MAN1C1: variants seen among roughly 807,000 people sequenced by gnomAD.
MAN1C1 encodes the protein mannosyl-oligosaccharide 1,2-alpha-mannosidase IC.
Under a neutral mutation model 71.5 loss-of-function variants are expected in MAN1C1, and 49 were observed. The ratio of observed to expected loss-of-function variants is 0.69; its 90% CI spans 0.54 to 0.87. The LOEUF (loss-of-function observed/expected upper bound fraction) is 0.87. Ranked by LOEUF, MAN1C1 falls within the 40% of genes least tolerant of loss-of-function variation. The pLI is 0.00. For synonymous variants in MAN1C1, 352 were observed against 343.7 expected, an observed-to-expected ratio of 1.02 and a Z score of -0.27; for missense variants, 743 against 835.0, an observed-to-expected ratio of 0.89 and a Z score of 1.36.
At chr1:25,642,858 A>G (rs528192175) in intron 1 of MAN1C1, among the ~76,000 whole-genome samples, 14 of 152,154 alleles carry the variant, frequency 9.2e-5, no homozygotes, top group Admixed American at 2.0e-4. Flanking sequence ...AGCTTGGCAG[A>G]TGGTTGTAGC....
chr1:25,782,604 G>A lies in MAN1C1; in HGVS notation c.1670G>A (p.Arg557Gln), dbSNP rs750214180. The change falls in exon 11 of 12, where the codon CGG (arginine) becomes CAG (glutamine). Residue 557 changes from arginine (R) to glutamine (Q), a missense_variant. Transcript: ENST00000374332. This position sits in a 1 kb window ranked among gnomAD's most constrained non-coding sequence, Gnocchi z 4.4. Reference sequence around the variant, plus strand: ...CCTCAGGCCTTGGAGAAATACTGTCGGACAGAAGCCGGTTTCTCTGGGATC... The same window carrying A: ...CCTCAGGCCTTGGAGAAATACTGTCAGACAGAAGCCGGTTTCTCTGGGATC... ...EVVLALEKYC[R>Q]TEAGFSGIQD... 37 of 1,613,754 alleles carry A rather than the reference G, an allele frequency of 2.3e-5. No individual in the cohort carries two copies. Among genetic ancestry groups the A allele is most frequent in the African/African-American group, 5.3e-5 (4 of 74,868 alleles).
At chr1:25,743,967 C>A (rs1256984536) in intron 2 of MAN1C1, among the ~76,000 whole-genome samples, 1 of 152,190 alleles carries the variant, frequency 6.6e-6, no homozygotes, top group African/African-American at 2.4e-5. Flanking sequence ...AAAACACATT[C>A]CACTTGGCCT....
intron 11 of MAN1C1, among the ~76,000 whole-genome samples, chr1:25,783,100 C>T (rs1181656977): frequency 2.0e-5 from 3 of 152,158 alleles, no homozygotes; most frequent in Non-Finnish European, 2.9e-5. Flanking sequence ...GTGCCCTCCT[C>T]GATTTCATGC....
Position 25,616,801 on chromosome 1 carries a change from C to G in MAN1C1, c.-997C>G, listed in dbSNP as rs945305672. ...GGCGGGCGCTGTCGCAGTGAAAGCC[C>G]GAGCGGCGGCGGCGGCGGGGACGGC... On this transcript the variant is annotated 5_prime_UTR_variant, in exon 1 of 12. Coordinates refer to ENST00000374332, the MANE Select transcript of MAN1C1 (RefSeq NM_020379.4). This position sits in a 1 kb window ranked among gnomAD's most constrained non-coding sequence, Gnocchi z 5.6. Among the ~76,000 whole-genome samples, 3 of 146,840 alleles carry G rather than the reference C, an allele frequency of 2.0e-5. No homozygotes were observed. The highest frequency in any genetic ancestry group is 4.5e-5 in the Non-Finnish European group (3 of 65,996).
Position 25,617,962 on chromosome 1 carries a change from C to A in MAN1C1, c.165C>A (p.Ala55=). The A allele has an allele frequency of 6.2e-7, 1 of 1,608,854 alleles. No individual in the cohort carries two copies. Among genetic ancestry groups the A allele is most frequent in the Non-Finnish European group, 8.5e-7 (1 of 1,178,248 alleles). Residue 55 remains alanine, a synonymous_variant, in exon 1 of 12, where the codon GCC becomes GCA. Transcript: ENST00000374332. This position sits in a 1 kb window ranked among gnomAD's most constrained non-coding sequence, Gnocchi z 5.1. ...HSSRLKRLFL[A]PRTQQPGLEV... ...CTCGCCTCAAGCGCCTCTTCCTGGC[C>A]CCCCGGACCCAGCAGCCTGGTCTGG...
Position 25,618,153 on chromosome 1 carries a change from A to C in MAN1C1, c.356A>C (p.Glu119Ala). 1.3e-6 allele frequency: 2 copies of C among 1,541,082 alleles called. No homozygotes were observed. Among genetic ancestry groups the C allele is most frequent in the Non-Finnish European group, 1.7e-6 (2 of 1,150,324 alleles). Residue 119 changes from glutamate (E) to alanine (A), a missense_variant, in exon 1 of 12, where the codon GAG becomes GCG. Physicochemically the swap from Glu to Ala is moderately radical, Grantham distance 107. Coordinates refer to ENST00000374332, the MANE Select transcript of MAN1C1 (RefSeq NM_020379.4). Reference sequence around the variant, plus strand: ...CGCACCCGCCCCACTGGACCCCGCGAGGAGGCCACGGCGGCCCGGGGCAAT... The same window carrying C: ...CGCACCCGCCCCACTGGACCCCGCGCGGAGGCCACGGCGGCCCGGGGCAAT... ...LRRTRPTGPR[E>A]EATAARGNSI...
chr1:25,733,045 G>A (rs2046930952), intron 2 of MAN1C1, among the ~76,000 whole-genome samples: 1 of 152,152 alleles, frequency 6.6e-6, no homozygotes, highest in South Asian at 2.1e-4. Context: ...AAGACAGCTG[G>A]AGGCTCCCCC....
At chr1:25,774,929 T>C (rs1483936494) in intron 8 of MAN1C1, among the ~76,000 whole-genome samples, 1 of 152,232 alleles carries the variant, frequency 6.6e-6, no homozygotes, top group Non-Finnish European at 1.5e-5. Flanking sequence ...TGTCTTGTGT[T>C]TTGTTTTAGA....
At chr1:25,762,574 G>A (rs1234234637) in intron 6 of MAN1C1, among the ~76,000 whole-genome samples, 1 of 151,888 alleles carries the variant, frequency 6.6e-6, no homozygotes, top group Non-Finnish European at 1.5e-5. Context: ...TTACAGGCCT[G>A]TGCCACCACG....
intron 1 of MAN1C1, among the ~76,000 whole-genome samples, chr1:25,680,102 G>T (rs190343622): frequency 5.3e-5 from 8 of 151,522 alleles, no homozygotes; most frequent in East Asian, 3.9e-4. Flanking sequence ...TTGCTCTGTG[G>T]CTCAGGCTGG....
At chr1:25,687,846 C>A (rs774217358) in intron 2 of MAN1C1, among the ~76,000 whole-genome samples, 4 of 152,084 alleles carry the variant, frequency 2.6e-5, no homozygotes, top group Non-Finnish European at 5.9e-5. Flanking sequence ...AAAAAAAAAT[C>A]TGTTCTGCTC....
At chr1:25,663,603 C>T (rs560092090) in intron 1 of MAN1C1, among the ~76,000 whole-genome samples, 128 of 152,184 alleles carry the variant, frequency 8.4e-4, no homozygotes, top group Non-Finnish European at 1.6e-3. Context: ...ACTGAAACTG[C>T]GGAAAGTGAA....
chr1:25,780,861 C>G, intron 9 of MAN1C1, 79 bp from the exon 10 acceptor site: 3 of 1,490,220 alleles, frequency 2.0e-6, no homozygotes, highest in Non-Finnish European at 2.8e-6. Context: ...GGGTTCAAGG[C>G]AACTGACATC....
intron 7 of MAN1C1, among the ~76,000 whole-genome samples, chr1:25,768,298 CGCATTACACACT>C (rs1311390665): frequency 1.5e-3 from 168 of 111,618 alleles, no homozygotes; most frequent in East Asian, 2.3e-3. Context: ...CTCACACACA[CGCATTACACACT>C]CCCTTCACGT....
chr1:25,764,700 G>A lies in MAN1C1; in HGVS notation c.1141+733G>A, dbSNP rs1015141269. Among the ~76,000 whole-genome samples, 8 of 152,002 alleles carry A rather than the reference G, an allele frequency of 5.3e-5. No individual in the cohort carries two copies. Among genetic ancestry groups the A allele is most frequent in the Non-Finnish European group, 1.5e-5 (1 of 67,998 alleles). On this transcript the variant is annotated intron_variant, in intron 7 of 11. Coordinates refer to ENST00000374332, the MANE Select transcript of MAN1C1 (RefSeq NM_020379.4). The surrounding 1 kb of genome is among the most constrained non-coding windows in gnomAD (Gnocchi z 4.4). ...CCCAAAGTGCTGGGATTACAGGCGT[G>A]AGCCACCACGCCTGGCTCCAACTTT...
Position 25,686,932 on chromosome 1 carries a change from C to T in MAN1C1, c.637+396C>T, listed in dbSNP as rs572831448. Among the ~76,000 whole-genome samples the T allele has an allele frequency of 1.9e-3, 292 of 152,146 alleles. 1 individual carries two copies. Among genetic ancestry groups the T allele is most frequent in the Non-Finnish European group, 3.4e-3 (229 of 67,988 alleles). On this transcript the variant is annotated intron_variant, in intron 2 of 11. Transcript: ENST00000374332. The stretch of plus-strand genomic sequence containing the variant: ...GCTGTGAAATGGTCTTGGATGTTTT[C>T]GTAGATTGCTGAACACATATCTGAT...
chr1:25,690,587 G>A (rs571967274), intron 2 of MAN1C1, among the ~76,000 whole-genome samples: 21 of 152,338 alleles, frequency 1.4e-4, no homozygotes, highest in African/African-American at 3.1e-4. Flanking sequence ...CACTGCGCCC[G>A]GCGCATATCT....
At position 25,746,742 on chromosome 1, in the gene MAN1C1, G is replaced by C. The variant is rs1369210782; in HGVS notation, c.712G>C (p.Glu238Gln). The change falls in exon 3 of 12, where the codon GAG becomes CAG. Residue 238 changes from glutamate (E) to glutamine (Q), a missense_variant. Transcript: ENST00000374332. This position sits in a 1 kb window ranked among gnomAD's most constrained non-coding sequence, Gnocchi z 4.0. ...CATGGAGCTGAAGGAGGAGTTCCAG[G>C]AGGCCAAGGCCTGGGTGGGAGAGAG... Reference protein sequence around the residue: ...YLMELKEEFQEAKAWVGESFH... With the variant: ...YLMELKEEFQQAKAWVGESFH... 3 of 1,589,476 alleles carry C rather than the reference G, an allele frequency of 1.9e-6. No homozygotes were observed. Among genetic ancestry groups the C allele is most frequent in the Non-Finnish European group, 2.6e-6 (3 of 1,166,074 alleles).
At chr1:25,703,574 A>C (rs138452477) in intron 2 of MAN1C1, among the ~76,000 whole-genome samples, 1,648 of 152,256 alleles carry the variant, frequency 0.011, 13 homozygotes, top group Non-Finnish European at 0.016. Flanking sequence ...CCAGCTACTC[A>C]GGAGGCTGAG....
Sources: allele counts gnomAD v4.1 joint callset (sites outside exome capture counted in the v4.1 genomes callset), GRCh38; gene constraint gnomAD v4.1.1; non-coding constraint Gnocchi (gnomAD v3.1); transcripts MANE v1.5; gene names NCBI Gene and HGNC (gene_info 2026-07-23, HGNC 2026-07-21).